NTM: variants seen among roughly 807,000 people sequenced by gnomAD.
NTM encodes the protein IgLON family member 2.
Under a neutral mutation model 42.1 loss-of-function variants are expected in NTM, and 13 were observed. The ratio of observed to expected loss-of-function variants is 0.31; its 90% CI spans 0.20 to 0.49. The LOEUF is 0.49. Among genes scored for constraint, NTM ranks in the 20% least tolerant of loss-of-function variants. The probability of loss-of-function intolerance (pLI) is 0.99; values close to 1 mark genes in which losing one functional copy is unlikely to be tolerated. For synonymous variants in NTM, 187 were observed against 179.2 expected (o/e 1.04, Z -0.35); for missense variants, 373 against 452.8 (o/e 0.82, Z 1.60).
chr11:132,040,696 C>T lies in NTM; in HGVS notation c.168-105586C>T, dbSNP rs1034445012. Among the ~76,000 whole-genome samples, 15 of 152,174 alleles carry T rather than the reference C, an allele frequency of 9.9e-5. No homozygotes were observed. In the East Asian group the frequency reaches 2.5e-3, roughly 25 times the overall value. On this transcript the variant is annotated intron_variant, in intron 2 of 8. Coordinates refer to ENST00000683400, the MANE Select transcript of NTM (RefSeq NM_001352005.2). ...GACAGTCTATTATAACACTTATAGC[C>T]ATTAAAATGTGAGAACAAAGCCCGC...
At chr11:131,666,230 T>A (rs1086215) in intron 1 of NTM, among the ~76,000 whole-genome samples, 132,372 of 152,192 alleles carry the variant, frequency 0.87, 57,714 homozygotes, top group African/African-American at 0.92. Flanking sequence ...ATCACTCCTT[T>A]GCTCTCAGCC....
chr11:131,944,685 G>C (rs1565794312), intron 2 of NTM, among the ~76,000 whole-genome samples: 1 of 152,160 alleles, frequency 6.6e-6, no homozygotes. Flanking sequence ...TTAAGAGTTG[G>C]AAGCTGCTTC....
rs1374614023 is a variant in NTM at position 131,645,649 on chromosome 11, G to A, written c.83-265915G>A. Reference sequence around the variant, plus strand: ...ATTCTTCTAGTTCTTACGCCTTTATGTCCATTTTTTTTTACTTATTAGTAC... The same window carrying A: ...ATTCTTCTAGTTCTTACGCCTTTATATCCATTTTTTTTTACTTATTAGTAC... On this transcript the variant is annotated intron_variant, in intron 1 of 8. Transcript: ENST00000683400. 3.9e-5 allele frequency among the ~76,000 whole-genome samples: 6 copies of A among 151,978 alleles called. No homozygotes were observed. The East Asian group carries it at 1.2e-3, about 29-fold the overall frequency.
At chr11:132,226,107 A>G (rs1426265943) in intron 4 of NTM, among the ~76,000 whole-genome samples, 1 of 152,172 alleles carries the variant, frequency 6.6e-6, no homozygotes, top group Non-Finnish European at 1.5e-5. Context: ...TATCCAGTCT[A>G]TCATTGATGG....
At chr11:131,598,682 G>GTTTTCT (rs1555161347) in intron 1 of NTM, among the ~76,000 whole-genome samples, 6 of 118,778 alleles carry the variant, frequency 5.1e-5, no homozygotes, top group African/African-American at 1.7e-4. Flanking sequence ...CTTCTCATTT[G>GTTTTCT]TTTTCTTTCT....
chr11:131,723,834 G>C (rs2078647590), intron 1 of NTM, among the ~76,000 whole-genome samples: 1 of 152,120 alleles, frequency 6.6e-6, no homozygotes, highest in Admixed American at 6.5e-5. Flanking sequence ...GTGCATGTGT[G>C]TGTGTGTGCA....
At chr11:131,918,870 A>G (rs1448558554) in intron 2 of NTM, among the ~76,000 whole-genome samples, 1 of 152,204 alleles carries the variant, frequency 6.6e-6, no homozygotes, top group Non-Finnish European at 1.5e-5. Context: ...TGCAATTTCT[A>G]TAGTTTGTTC....
intron 3 of NTM, among the ~76,000 whole-genome samples, chr11:132,205,459 A>G (rs1373883396): frequency 1.3e-5 from 2 of 152,326 alleles, no homozygotes; most frequent in African/African-American, 2.4e-5. Context: ...TTATTTAATT[A>G]TTTACACATT....
chr11:131,370,796 G>GA lies in NTM; in HGVS notation c.-3dup, dbSNP rs748819622. The GA allele has an allele frequency of 1.3e-4, 209 of 1,607,748 alleles. No homozygotes were observed. Among genetic ancestry groups the GA allele is most frequent in the Non-Finnish European group, 1.6e-4 (191 of 1,176,950 alleles). Reference sequence around the variant, plus strand: ...TGACAAAAAAGAAGAAAAAGAAGAAGAAAAAAAATCATGAAAACCATCCAG... The same window carrying GA: ...TGACAAAAAAGAAGAAAAAGAAGAAGAAAAAAAAATCATGAAAACCATCCAG... On this transcript the variant is annotated 5_prime_UTR_variant, in exon 1 of 9. Coordinates refer to ENST00000683400, the MANE Select transcript of NTM (RefSeq NM_001352005.2).
At chr11:131,991,215 G>GTTTGT (rs983379983) in intron 2 of NTM, among the ~76,000 whole-genome samples, 3 of 151,938 alleles carry the variant, frequency 2.0e-5, no homozygotes, top group African/African-American at 4.8e-5. Flanking sequence ...GTTGTTTTTT[G>GTTTGT]TTTGTTTTGT....
chr11:131,775,782 T>C (rs1565532210), intron 1 of NTM, among the ~76,000 whole-genome samples: 1 of 152,178 alleles, frequency 6.6e-6, no homozygotes, highest in Non-Finnish European at 1.5e-5. Context: ...TGTAAGAAAC[T>C]CAGTCAACAT....
intron 1 of NTM, among the ~76,000 whole-genome samples, chr11:131,524,602 G>A (rs1287041674): frequency 1.3e-5 from 2 of 152,224 alleles, no homozygotes; most frequent in African/African-American, 4.8e-5. Flanking sequence ...AATTAATCTT[G>A]AACTGTTTTC....
At chr11:131,704,279 C>G (rs185600239) in intron 1 of NTM, among the ~76,000 whole-genome samples, 2 of 152,156 alleles carry the variant, frequency 1.3e-5, no homozygotes, top group Non-Finnish European at 2.9e-5. Flanking sequence ...GATGCAAGCC[C>G]GAGGCTCATC....
chr11:131,499,874 A>G (rs112127853), intron 1 of NTM, among the ~76,000 whole-genome samples: 4,592 of 152,234 alleles, frequency 0.03, 109 homozygotes, highest in Non-Finnish European at 0.051. Flanking sequence ...CTACACGTCT[A>G]TTATTTTGTT....
chr11:131,913,871 A>G (rs571396114), intron 2 of NTM, among the ~76,000 whole-genome samples: 3 of 152,302 alleles, frequency 2.0e-5, no homozygotes, highest in African/African-American at 7.2e-5. Flanking sequence ...ACTACAGGGC[A>G]GGGATTAGAT....
At chr11:131,436,330 A>G (rs1441434220) in intron 1 of NTM, among the ~76,000 whole-genome samples, 1 of 151,980 alleles carries the variant, frequency 6.6e-6, no homozygotes, top group African/African-American at 2.4e-5. Flanking sequence ...CTCTTTTTCT[A>G]CTGAGTGGAA....
chr11:132,179,968 A>G (rs2077329458), intron 3 of NTM, among the ~76,000 whole-genome samples: 1 of 152,194 alleles, frequency 6.6e-6, no homozygotes, highest in Non-Finnish European at 1.5e-5. Context: ...TTATTAGAAA[A>G]TAGTGTAACA....
chr11:131,924,163 A>G (rs1418864404), intron 2 of NTM, among the ~76,000 whole-genome samples: 2 of 152,160 alleles, frequency 1.3e-5, no homozygotes, highest in Admixed American at 1.3e-4. Flanking sequence ...CGTGGCTGAC[A>G]CTGGTGCACA....
At chr11:131,818,482 T>C (rs1204621734) in intron 1 of NTM, among the ~76,000 whole-genome samples, 1 of 152,118 alleles carries the variant, frequency 6.6e-6, no homozygotes, top group Non-Finnish European at 1.5e-5. Flanking sequence ...TATAGCTGGA[T>C]AGGGATATTA....
Sources: allele counts gnomAD v4.1 joint callset (sites outside exome capture counted in the v4.1 genomes callset), GRCh38; gene constraint gnomAD v4.1.1; transcripts MANE v1.5; gene names NCBI Gene and HGNC (gene_info 2026-07-23, HGNC 2026-07-21).